NRXN3: variants seen among roughly 807,000 people sequenced by gnomAD.
NRXN3 encodes neurexin III.
NRXN3 carries 32 observed loss-of-function variants against 137.6 expected under a neutral mutation model. The ratio of observed to expected loss-of-function variants is 0.23; its 90% CI spans 0.18 to 0.31. NRXN3 has a LOEUF of 0.31. Ranked by LOEUF, NRXN3 falls within the 10% of genes least tolerant of loss-of-function variation. The pLI is 1.00. For synonymous variants in NRXN3, 798 were observed against 784.5 expected (o/e 1.02, Z -0.29); for missense variants, 1,574 against 2,062.5 (o/e 0.76, Z 4.59).
chr14:79,034,185 T>G (rs1414713883), intron 15 of NRXN3, among the ~76,000 whole-genome samples: 1 of 152,132 alleles, frequency 6.6e-6, no homozygotes, highest in African/African-American at 2.4e-5. Flanking sequence ...TTGTACTGAG[T>G]TCTCCTGTGA....
intron 15 of NRXN3, among the ~76,000 whole-genome samples, chr14:78,999,358 A>G (rs781520981): frequency 2.0e-5 from 3 of 152,190 alleles, no homozygotes; most frequent in Non-Finnish European, 2.9e-5. Flanking sequence ...GCTTAATTTC[A>G]TCAACTATTA....
At chr14:79,500,014 A>G (rs1411959255) in intron 16 of NRXN3, among the ~76,000 whole-genome samples, 3 of 150,558 alleles carry the variant, frequency 2.0e-5, no homozygotes, top group Non-Finnish European at 4.4e-5. Context: ...TAAAGTAAAT[A>G]AACTAATGCA....
chr14:79,440,919 TG>T (rs556272206), intron 15 of NRXN3, among the ~76,000 whole-genome samples: 4 of 152,188 alleles, frequency 2.6e-5, no homozygotes, highest in Non-Finnish European at 5.9e-5. Context: ...TAGATCCATA[TG>T]CTATTCAGGA....
At chr14:78,650,638 C>T (rs755383897) in intron 5 of NRXN3, among the ~76,000 whole-genome samples, 8 of 149,506 alleles carry the variant, frequency 5.4e-5, no homozygotes, top group East Asian at 2.0e-4. Flanking sequence ...TGTTTGTCAG[C>T]GTGGTGTGAG....
At chr14:78,612,346 G>A (rs1033479505) in intron 4 of NRXN3, among the ~76,000 whole-genome samples, 4 of 152,148 alleles carry the variant, frequency 2.6e-5, no homozygotes, top group Non-Finnish European at 5.9e-5. Flanking sequence ...TTCATTTCTA[G>A]TTATGGCTGG....
At chr14:79,565,163 G>A (rs556988493) in intron 16 of NRXN3, among the ~76,000 whole-genome samples, 16 of 151,300 alleles carry the variant, frequency 1.1e-4, no homozygotes, top group Admixed American at 2.0e-4. Context: ...TGTTGGTTGT[G>A]TAAGTGCTAT....
chr14:79,073,896 A>G (rs2099691713), intron 15 of NRXN3, among the ~76,000 whole-genome samples: 1 of 152,206 alleles, frequency 6.6e-6, no homozygotes, highest in Non-Finnish European at 1.5e-5. Flanking sequence ...TGGACACGTT[A>G]TTTAACCTCT....
intron 8 of NRXN3, among the ~76,000 whole-genome samples, chr14:78,754,459 T>G (rs1409637593): frequency 6.6e-6 from 1 of 152,208 alleles, no homozygotes. Context: ...TCTCAATGCC[T>G]AGGATATGTC....
rs375599641 is a variant in NRXN3, at chr14:79,581,264, A to G, written c.3445-82514A>G. On this transcript the variant is annotated intron_variant, in intron 16 of 20. Coordinates refer to ENST00000335750, the MANE Select transcript of NRXN3 (RefSeq NM_001330195.2). ...AGCCCTTAATCTTGGCTCTTGGGAT[A>G]AGCTTCCTTACTGCTTCTCTCAACA... 2.6e-5 allele frequency among the ~76,000 whole-genome samples: 4 copies of G among 152,218 alleles called. No individual in the cohort carries two copies. The East Asian group carries it at 7.7e-4, about 29-fold the overall frequency.
chr14:78,527,392 C>T (rs938018059), intron 4 of NRXN3, among the ~76,000 whole-genome samples: 10 of 152,136 alleles, frequency 6.6e-5, no homozygotes, highest in African/African-American at 2.4e-4. Flanking sequence ...CACTTTTAAA[C>T]AACCAGATCT....
chr14:79,170,100 G>A (rs942511557), intron 15 of NRXN3, among the ~76,000 whole-genome samples: 10 of 151,960 alleles, frequency 6.6e-5, no homozygotes, highest in African/African-American at 2.4e-4. Flanking sequence ...GATTGTATGG[G>A]TTAAGTTAAA....
intron 20 of NRXN3, among the ~76,000 whole-genome samples, chr14:79,821,035 C>CA (rs1319399552): frequency 1.3e-5 from 2 of 151,854 alleles, no homozygotes; most frequent in East Asian, 3.9e-4. Context: ...TGCAAGGAGG[C>CA]AAAAAAGATG....
At chr14:79,194,888 T>C (rs2064926687) in intron 15 of NRXN3, among the ~76,000 whole-genome samples, 1 of 152,236 alleles carries the variant, frequency 6.6e-6, no homozygotes, top group African/African-American at 2.4e-5. Context: ...TGTGATTAAC[T>C]GATTTTTCTA....
At chr14:79,543,439 A>G (rs1205246702) in intron 16 of NRXN3, among the ~76,000 whole-genome samples, 2 of 152,188 alleles carry the variant, frequency 1.3e-5, no homozygotes, top group Non-Finnish European at 2.9e-5. Context: ...TTATGCTTAG[A>G]GTCCCCTGAC....
chr14:79,724,444 C>T (rs2098867894), intron 19 of NRXN3, among the ~76,000 whole-genome samples: 1 of 152,106 alleles, frequency 6.6e-6, no homozygotes, highest in African/African-American at 2.4e-5. Context: ...TCTCTCCCTG[C>T]CCCACATACA....
At chr14:79,188,607 C>T (rs536531646) in intron 15 of NRXN3, among the ~76,000 whole-genome samples, 3 of 152,286 alleles carry the variant, frequency 2.0e-5, no homozygotes, top group African/African-American at 7.2e-5. Context: ...AGCAGCCATT[C>T]TTAAATCCAC....
intron 15 of NRXN3, among the ~76,000 whole-genome samples, chr14:79,088,540 TAA>T (rs1235392324): frequency 6.6e-6 from 1 of 152,094 alleles, no homozygotes; most frequent in African/African-American, 2.4e-5. Context: ...TTATCCTCCT[TAA>T]GAAAAACAAA....
chr14:78,441,738 T>C (rs540916216), intron 4 of NRXN3, among the ~76,000 whole-genome samples: 2 of 152,278 alleles, frequency 1.3e-5, no homozygotes, highest in Admixed American at 1.3e-4. Flanking sequence ...TTAAGGATCT[T>C]GAGAAGATGG....
Position 78,525,779 on chromosome 14 carries a change from C to T in NRXN3, c.758-119341C>T, listed in dbSNP as rs930033645. ...AAATGGAAATCAAGATGGCATTTCT[C>T]CTGGTTTTGCTCCTCCTCGTTTTGT... On this transcript the variant is annotated intron_variant, in intron 4 of 20. Coordinates refer to ENST00000335750, the MANE Select transcript of NRXN3 (RefSeq NM_001330195.2). Among the ~76,000 whole-genome samples, 10 of 152,254 alleles carry T rather than the reference C, an allele frequency of 6.6e-5. No homozygotes were observed. The East Asian group carries it at 1.2e-3, about 18-fold the overall frequency.
Sources: allele counts gnomAD v4.1 joint callset (sites outside exome capture counted in the v4.1 genomes callset), GRCh38; gene constraint gnomAD v4.1.1; transcripts MANE v1.5; gene names NCBI Gene and HGNC (gene_info 2026-07-23, HGNC 2026-07-21).